Variants in FRMPD1 observed in about 807,000 individuals in gnomAD.
The protein encoded by FRMPD1 is FERM and PDZ domain-containing protein 1.
A neutral mutation model predicts 117.8 loss-of-function variants in FRMPD1; 76 were observed. That is an observed-to-expected ratio of 0.65 (90% CI 0.54 to 0.78). The LOEUF (loss-of-function observed/expected upper bound fraction) is 0.78, where lower values mean the gene tolerates loss of function less well. Among genes scored for constraint, FRMPD1 ranks in the 30% least tolerant of loss-of-function variants. The pLI is 0.00. For synonymous variants in FRMPD1, 783 were observed against 770.4 expected (o/e 1.02, Z -0.27); for missense variants, 1,786 against 1,964.5 (o/e 0.91, Z 1.72).
intron 1 of FRMPD1, among the ~76,000 whole-genome samples, chr9:37,677,415 C>A (rs1041079337): frequency 1.3e-5 from 2 of 152,238 alleles, no homozygotes; most frequent in African/African-American, 4.8e-5. Context: ...CTCTGGGAGT[C>A]TAACCTTCTG....
chr9:37,719,049 A>G lies in FRMPD1; in HGVS notation c.409-20A>G, dbSNP rs759949376. On this transcript the variant is annotated intron_variant, in intron 5 of 15. Transcript: ENST00000377765. The stretch of plus-strand genomic sequence containing the variant: ...TTATGAAAGCACTGTTCCAAAATGC[A>G]TCATGTTACTGTTTTTCAGGGAGTC... 7.0e-6 allele frequency: 10 copies of G among 1,438,530 alleles called. No homozygotes were observed. Among genetic ancestry groups the G allele is most frequent in the Non-Finnish European group, 9.8e-6 (10 of 1,019,566 alleles). The allele number at this position is 1,438,530 out of a possible 1,614,324, so 89.1% of individuals were successfully genotyped here.
intron 4 of FRMPD1, among the ~76,000 whole-genome samples, chr9:37,708,877 C>T (rs1170423984): frequency 6.6e-6 from 1 of 152,168 alleles, no homozygotes; most frequent in African/African-American, 2.4e-5. Context: ...TAAATTGATG[C>T]CAAATCTGTT....
intron 1 of FRMPD1, among the ~76,000 whole-genome samples, chr9:37,676,998 T>C (rs1454764977): frequency 6.6e-6 from 1 of 152,178 alleles, no homozygotes. Context: ...GGAAAGAGGA[T>C]CTAATGGAAC....
rs540574164 is a variant in FRMPD1 at position 37,697,499 on chromosome 9, G to A, written c.101+4757G>A. ...GGAGAATGGCGTGAACCAGGGAGGC[G>A]GAGCTTGCAGTGAGCCGAGATAGCG... On this transcript the variant is annotated intron_variant, in intron 2 of 15. Transcript: ENST00000377765. Among the ~76,000 whole-genome samples the A allele has an allele frequency of 7.9e-4, 120 of 151,840 alleles. 1 individual carries two copies. The highest frequency in any genetic ancestry group is 1.7e-3 in the South Asian group (8 of 4,796).
Position 37,740,473 on chromosome 9 carries a change from G to A in FRMPD1, c.1945G>A (p.Gly649Arg), listed in dbSNP as rs764260619. ...IDSDSQEERS[G>R]IETSGFLCLL... ...CTCTGACAGCCAGGAGGAGAGAAGCGGGATTGAAACCAGTGGCTTCCTCTG... is the reference window on the plus strand; with the variant it reads ...CTCTGACAGCCAGGAGGAGAGAAGCAGGATTGAAACCAGTGGCTTCCTCTG... Residue 649 changes from glycine to arginine, a missense_variant, in exon 15 of 16, where the codon GGG becomes AGG. Transcript: ENST00000377765. This position sits in a 1 kb window ranked among gnomAD's most constrained non-coding sequence, Gnocchi z 4.2. The A allele has an allele frequency of 8.7e-6, 14 of 1,614,056 alleles. No homozygotes were observed. In the Admixed American group the frequency reaches 1.3e-4, roughly 15 times the overall value.
At position 37,736,882 on chromosome 9, in the gene FRMPD1, TGTGC is replaced by T. The variant is rs1388163413; in HGVS notation, c.1402-212_1402-209del. ...GAGTGTGTGTGTGTGTGTGTGTATG[TGTGC>T]GCACACACACACGCGATGGTGTCTG... On this transcript the variant is annotated intron_variant, in intron 13 of 15. Coordinates refer to ENST00000377765, the MANE Select transcript of FRMPD1 (RefSeq NM_014907.3). Among the ~76,000 whole-genome samples, 793 of 138,288 alleles carry T rather than the reference TGTGC, an allele frequency of 5.7e-3. 8 individuals carry two copies. The highest frequency in any genetic ancestry group is 0.021 in the African/African-American group (774 of 37,222). The allele number at this position is 138,288 out of a possible 152,430, so 90.7% of individuals were successfully genotyped here. A position where few individuals can be genotyped will look rare whatever the true frequency, so the allele number is the denominator to read the frequency against.
At chr9:37,636,452 G>C in the FRMPD1 span, among the ~76,000 whole-genome samples, 1 of 152,208 alleles carries the variant, frequency 6.6e-6, no homozygotes, top group Non-Finnish European at 1.5e-5. Context: ...AGAGGCAGCA[G>C]CAGAGCAGGC....
At chr9:37,708,024 A>G (rs1410890054) in intron 3 of FRMPD1, among the ~76,000 whole-genome samples, 1 of 152,160 alleles carries the variant, frequency 6.6e-6, no homozygotes, top group African/African-American at 2.4e-5. Flanking sequence ...TTGTTTTCAT[A>G]ATTGAGGTGT....
chr9:37,737,823 T>TAAAA (rs35965958), intron 14 of FRMPD1, among the ~76,000 whole-genome samples: 11 of 106,300 alleles, frequency 1.0e-4, no homozygotes, highest in Middle Eastern at 5.0e-3. Flanking sequence ...AACTCCATCT[T>TAAAA]AAAAAAAAAA....
chr9:37,719,223 CT>C, intron 6 of FRMPD1, 47 bp downstream of exon 6: 1 of 1,152,072 alleles, frequency 8.7e-7, no homozygotes, highest in South Asian at 1.2e-5. Context: ...GGCGAGCTGC[CT>C]TCTGGCACAT....
intron 1 of FRMPD1, among the ~76,000 whole-genome samples, chr9:37,655,375 A>G (rs540511144): frequency 2.0e-4 from 31 of 151,932 alleles, no homozygotes; most frequent in Non-Finnish European, 4.1e-4. Context: ...GCTCCTCCTT[A>G]GAGCCTTTCA....
chr9:37,704,827 CTT>C (rs747635072), intron 2 of FRMPD1, among the ~76,000 whole-genome samples: 7 of 144,286 alleles, frequency 4.9e-5, no homozygotes, highest in African/African-American at 5.0e-5. Context: ...TAATTTAGAA[CTT>C]TTTTTTTTTT....
At chr9:37,682,625 G>T (rs1821768430) in intron 1 of FRMPD1, among the ~76,000 whole-genome samples, 1 of 152,154 alleles carries the variant, frequency 6.6e-6, no homozygotes, top group African/African-American at 2.4e-5. Flanking sequence ...TTATCTGGAG[G>T]GAGGTTAGAA....
At chr9:37,630,880 C>T in the FRMPD1 span, among the ~76,000 whole-genome samples, 6 of 152,182 alleles carry the variant, frequency 3.9e-5, no homozygotes, top group Admixed American at 6.6e-5. Context: ...CTTTAGATAA[C>T]TTGACTTTTT....
intron 4 of FRMPD1, 92 bp from the exon 5 acceptor site, chr9:37,711,258 C>T (rs1284415038): frequency 1.5e-5 from 13 of 859,922 alleles, no homozygotes; most frequent in Non-Finnish European, 2.4e-5. Flanking sequence ...GTCTTTTTGA[C>T]CCTAACACAC....
At chr9:37,635,567 C>G in the FRMPD1 span, among the ~76,000 whole-genome samples, 1 of 152,176 alleles carries the variant, frequency 6.6e-6, no homozygotes, top group Non-Finnish European at 1.5e-5. Flanking sequence ...AGAGGGGAAC[C>G]TGGGAGCGGG....
chr9:37,692,771 T>C, intron 2 of FRMPD1, 29 bp downstream of exon 2: 2 of 1,483,534 alleles, frequency 1.3e-6, no homozygotes, highest in Non-Finnish European at 1.9e-6. Context: ...CAGATTTCTG[T>C]CTATAAAGGT....
intron 1 of FRMPD1, among the ~76,000 whole-genome samples, chr9:37,681,130 T>C (rs1821714089): frequency 6.8e-6 from 1 of 147,904 alleles, no homozygotes; most frequent in South Asian, 2.1e-4. Flanking sequence ...AGAGAATCAC[T>C]TGAACCCAGG....
intron 15 of FRMPD1, among the ~76,000 whole-genome samples, chr9:37,743,170 C>T (rs777735229): frequency 1.3e-5 from 2 of 152,184 alleles, no homozygotes; most frequent in Admixed American, 1.3e-4. Flanking sequence ...GCACAAAACT[C>T]GATGCCTGTG....
Sources: allele counts gnomAD v4.1 joint callset (sites outside exome capture counted in the v4.1 genomes callset), GRCh38; gene constraint gnomAD v4.1.1; non-coding constraint Gnocchi (gnomAD v3.1); transcripts MANE v1.5; gene names NCBI Gene and HGNC (gene_info 2026-07-23, HGNC 2026-07-21).